Variants in DLG5 observed in about 807,000 individuals in gnomAD.
The protein encoded by DLG5 is discs large MAGUK scaffold protein 5.
In DLG5, 48 loss-of-function variants were observed where a neutral mutation model predicts 189.8. The observed-to-expected ratio is 0.25, with a 90% confidence interval of 0.20 to 0.32. DLG5 has a LOEUF of 0.32. Among genes scored for constraint, DLG5 ranks in the 10% least tolerant of loss-of-function variants. The pLI is 1.00. For synonymous variants in DLG5, 1,016 were observed against 1,054.1 expected (o/e 0.96, Z 0.70); for missense variants, 2,160 against 2,544.7 (o/e 0.85, Z 3.25).
chr10:77,929,590 A>C (rs983520217), upstream of DLG5: 3 of 152,234 alleles, frequency 2.0e-5, no homozygotes, highest in African/African-American at 7.2e-5. Context: ...TCTTATTAGA[A>C]TAGGGAAATT....
intron 2 of DLG5, 152 bp downstream of exon 2, chr10:77,868,977 T>G: frequency 1.5e-6 from 1 of 665,034 alleles, no homozygotes; most frequent in Admixed American, 2.7e-5. Context: ...TTTCTGATGA[T>G]GGGAGAAAAT....
chr10:77,805,188 T>G (rs1226159357), intron 27 of DLG5, among the ~76,000 whole-genome samples: 1 of 152,216 alleles, frequency 6.6e-6, no homozygotes, highest in African/African-American at 2.4e-5. Flanking sequence ...CAGGCTGGTC[T>G]TGAACTCCTG....
chr10:77,827,107 G>A (rs996290909), intron 13 of DLG5, among the ~76,000 whole-genome samples: 11 of 152,294 alleles, frequency 7.2e-5, no homozygotes, highest in African/African-American at 2.6e-4. Context: ...GATTGCCATC[G>A]GGGTGGGAAG....
chr10:77,908,613 T>A (rs1480529015), intron 1 of DLG5, among the ~76,000 whole-genome samples: 1 of 152,214 alleles, frequency 6.6e-6, no homozygotes, highest in Non-Finnish European at 1.5e-5. Context: ...AGTCCTGCTC[T>A]GTGCTCTCCC....
chr10:77,888,216 A>C (rs1845499154), intron 1 of DLG5, among the ~76,000 whole-genome samples: 1 of 152,206 alleles, frequency 6.6e-6, no homozygotes, highest in African/African-American at 2.4e-5. Flanking sequence ...GAGCAAATGC[A>C]AAGTGCAGGG....
the DLG5 span, among the ~76,000 whole-genome samples, chr10:77,934,847 T>C: frequency 1.5e-5 from 2 of 135,202 alleles, no homozygotes; most frequent in Non-Finnish European, 3.0e-5. Flanking sequence ...CTGTTCTTTT[T>C]TTTTGTTTTT....
intron 3 of DLG5, among the ~76,000 whole-genome samples, chr10:77,854,938 G>C (rs957260884): frequency 6.6e-6 from 1 of 151,514 alleles, no homozygotes; most frequent in Admixed American, 6.6e-5. Context: ...GCAGTGAGCC[G>C]AGATCACACC....
intron 31 of DLG5, 23 bp downstream of exon 31, chr10:77,793,985 A>G (rs200162513): frequency 6.2e-7 from 1 of 1,602,380 alleles, no homozygotes; most frequent in East Asian, 2.2e-5. Flanking sequence ...CCTGCTCCCC[A>G]CTCCAGGCCC....
chr10:77,880,850 T>TTCATC (rs1270052536), intron 1 of DLG5, among the ~76,000 whole-genome samples: 8 of 152,052 alleles, frequency 5.3e-5, no homozygotes, highest in Non-Finnish European at 1.2e-4. Context: ...TCAACTCACC[T>TTCATC]TCTAGATGAA....
intron 9 of DLG5, 39 bp downstream of exon 9, chr10:77,833,875 G>T: frequency 1.9e-6 from 3 of 1,599,218 alleles, no homozygotes; most frequent in Non-Finnish European, 2.5e-6. Flanking sequence ...CAGGCTCCCA[G>T]ATGCATGCCC....
chr10:77,851,149 C>CT (rs1843952730), intron 5 of DLG5, among the ~76,000 whole-genome samples: 1 of 152,264 alleles, frequency 6.6e-6, no homozygotes, highest in African/African-American at 2.4e-5. Context: ...CCTCGGGCAG[C>CT]TTCCTGGGAG....
Position 77,796,011 on chromosome 10 carries a change from C to T in DLG5, c.5436+50G>A, listed in dbSNP as rs568890231. Reference sequence around the variant, plus strand: ...CGGACCAGGGGCCTAGACCTGTGCACAGGAGGTCTAATACTGGATGCCTAA... The same window carrying T: ...CGGACCAGGGGCCTAGACCTGTGCATAGGAGGTCTAATACTGGATGCCTAA... On this transcript the variant is annotated intron_variant, in intron 29 of 31. Coordinates refer to ENST00000372391, the MANE Select transcript of DLG5 (RefSeq NM_004747.4). The surrounding 1 kb of genome is among the most constrained non-coding windows in gnomAD (Gnocchi z 5.2). 4 of 1,613,364 alleles carry T rather than the reference C, an allele frequency of 2.5e-6. No homozygotes were observed. The African/African-American group carries it at 4.0e-5, about 16-fold the overall frequency.
At position 77,817,841 on chromosome 10, in the gene DLG5, G is replaced by A. The variant is rs1250483099; in HGVS notation, c.3720C>T (p.Cys1240=). Residue 1240 remains cysteine, a synonymous_variant, in exon 18 of 32, where the codon TGC becomes TGT. Transcript: ENST00000372391. ...RLSLDLSHRT[C]SDYSEMRATH... is the part of the protein sequence containing the mutation. ...TGGCTCTCATCTCGGAGTAGTCGCT[G>A]CAGGTCCTGTGGCTCAGGTCCAGGC... 2 of 1,554,610 alleles carry A rather than the reference G, an allele frequency of 1.3e-6. No homozygotes were observed. The highest frequency in any genetic ancestry group is 1.7e-6 in the Non-Finnish European group (2 of 1,148,454).
intron 2 of DLG5, among the ~76,000 whole-genome samples, chr10:77,861,372 T>C (rs1325258407): frequency 6.6e-6 from 1 of 152,220 alleles, no homozygotes; most frequent in Non-Finnish European, 1.5e-5. Flanking sequence ...TAACCTGCCT[T>C]TGGGGAGACA....
intron 1 of DLG5, among the ~76,000 whole-genome samples, chr10:77,902,163 C>G (rs1168247986): frequency 6.6e-6 from 1 of 152,190 alleles, no homozygotes; most frequent in Non-Finnish European, 1.5e-5. Context: ...GCCTATTTCC[C>G]AAACACCGAG....
At chr10:77,846,596 C>T (rs1347196762) in intron 5 of DLG5, 15 of 416,554 alleles carry the variant, frequency 3.6e-5, no homozygotes, top group Non-Finnish European at 4.8e-6. Flanking sequence ...ACTCCGGAGG[C>T]TGAGGCAGGA....
intron 1 of DLG5, among the ~76,000 whole-genome samples, chr10:77,876,072 T>C (rs146957276): frequency 1.3e-5 from 2 of 152,074 alleles, no homozygotes; most frequent in East Asian, 3.9e-4. Flanking sequence ...AAAATCCTAC[T>C]CTTGGTTTGT....
At chr10:77,864,369 G>A (rs1487185911) in intron 2 of DLG5, among the ~76,000 whole-genome samples, 1 of 152,214 alleles carries the variant, frequency 6.6e-6, no homozygotes, top group Non-Finnish European at 1.5e-5. Flanking sequence ...AGCAGTGGCA[G>A]AGCACAGTCA....
intron 1 of DLG5, among the ~76,000 whole-genome samples, chr10:77,924,277 T>A (rs774471076): frequency 9.2e-5 from 14 of 152,212 alleles, no homozygotes; most frequent in Non-Finnish European, 2.1e-4. Flanking sequence ...GTGGTAAAAC[T>A]GGGGTCTGAA....
Sources: gnomAD v4.1 joint callset for allele counts (sites outside exome capture counted in the v4.1 genomes callset) on GRCh38, gnomAD v4.1.1 for gene constraint, Gnocchi (gnomAD v3.1) non-coding constraint, MANE v1.5 for transcripts, NCBI Gene and HGNC (gene_info 2026-07-23, HGNC 2026-07-21) for gene names.